Variants in USP7 observed in about 807,000 individuals in gnomAD.
The protein encoded by USP7 is ubiquitin C-terminal hydrolase 7.
In USP7, 9 loss-of-function variants were observed where a neutral mutation model predicts 162.9. The observed-to-expected ratio is 0.06, with a 90% CI of 0.03 to 0.10. The LOEUF is 0.10. USP7 is among the 10% of genes least tolerant of loss of function. The probability of loss-of-function intolerance (pLI) is 1.00; values close to 1 mark genes in which losing one functional copy is unlikely to be tolerated. For missense variants in USP7, 715 were observed against 1,373.7 expected (o/e 0.52, Z 7.58); for synonymous variants, 562 against 475.9 (o/e 1.18, Z -2.35).
At chr16:8,940,206 C>T (rs1053865584) in intron 1 of USP7, among the ~76,000 whole-genome samples, 8 of 152,182 alleles carry the variant, frequency 5.3e-5, no homozygotes, top group Non-Finnish European at 1.0e-4. Context: ...TGCCTATCTA[C>T]GCATCCTATA....
intron 10 of USP7, among the ~76,000 whole-genome samples, chr16:8,911,864 G>T (rs761541410): frequency 6.6e-6 from 1 of 152,152 alleles, no homozygotes; most frequent in Non-Finnish European, 1.5e-5. Flanking sequence ...ATGAGGATTG[G>T]GGGGAACAAC....
At position 8,899,768 on chromosome 16, in the gene USP7, G is replaced by C. The variant is rs1457426962; in HGVS notation, c.2310-11C>G. ...TTTTCAGGGTCATCCCTGGTGGAGG[G>C]AGAAAGTTTGCAGTCTGAATCAAAG... On this transcript the variant is annotated splice_polypyrimidine_tract_variant and intron_variant, in intron 21 of 30. Coordinates refer to ENST00000344836, the MANE Select transcript of USP7 (RefSeq NM_003470.3). 6.2e-7 allele frequency: 1 copy of C among 1,614,180 alleles called. No individual in the cohort carries two copies. Among genetic ancestry groups the C allele is most frequent in the African/African-American group, 1.3e-5 (1 of 75,044 alleles).
Position 8,923,402 on chromosome 16 carries a change from G to A in USP7, c.196C>T (p.Arg66Cys). Residue 66 changes from arginine (R) to cysteine (C), a missense_variant, in exon 3 of 31, where the codon CGC (arginine) becomes TGC (cysteine). This residue lies in a region of USP7 where 137 missense variants were observed against 123.5 expected (regional missense o/e 1.11). Transcript: ENST00000344836. ...GTGAACTGAAAGGTTGCCTCGGAGC[G>A]CCAACTGGTGTCTGCAAAAAAAACA... ...EEDMEDDTSWRSEATFQFTVE... is the reference protein window; with the variant it reads ...EEDMEDDTSWCSEATFQFTVE... The A allele has an allele frequency of 6.2e-7, 1 of 1,614,046 alleles. No individual in the cohort carries two copies. The highest frequency in any genetic ancestry group is 8.5e-7 in the Non-Finnish European group (1 of 1,179,968).
At chr16:8,939,138 T>A (rs1898915359) in intron 1 of USP7, among the ~76,000 whole-genome samples, 2 of 152,190 alleles carry the variant, frequency 1.3e-5, no homozygotes, top group South Asian at 4.1e-4. Context: ...CTTACGTGTA[T>A]TTAGTTCTCT....
intron 23 of USP7, 65 bp from the exon 24 acceptor site, chr16:8,898,704 G>A: frequency 1.5e-6 from 2 of 1,365,264 alleles, no homozygotes; most frequent in East Asian, 2.3e-5. Flanking sequence ...ATATCTGTGA[G>A]TGAGCATAAA....
At chr16:8,920,492 A>T in intron 4 of USP7, 45 bp from the exon 5 acceptor site, 1 of 1,527,932 alleles carries the variant, frequency 6.5e-7, no homozygotes, top group South Asian at 1.2e-5. Context: ...AAGAACACAC[A>T]TTTTATTCCC....
rs749221448 is a variant in USP7 at position 8,902,498 on chromosome 16, A to C, written c.1840-16T>G. On this transcript the variant is annotated splice_polypyrimidine_tract_variant and intron_variant, in intron 16 of 30. Coordinates refer to ENST00000344836, the MANE Select transcript of USP7 (RefSeq NM_003470.3). ...GTGGAAATCCCTGAAAAAAATATTA[A>C]GAGTAGATTAAAATAAAAACACGCT... is the stretch of plus-strand genomic sequence containing the variant. The C allele has an allele frequency of 1.2e-6, 2 of 1,607,504 alleles. No homozygotes were observed. Among genetic ancestry groups the C allele is most frequent in the Admixed American group, 1.7e-5 (1 of 59,600 alleles).
At chr16:8,957,002 C>CT (rs2141267289) in intron 1 of USP7, among the ~76,000 whole-genome samples, 1 of 152,314 alleles carries the variant, frequency 6.6e-6, no homozygotes, top group South Asian at 2.1e-4. Context: ...TTGCCAGCCT[C>CT]TGTCTCAGGA....
In USP7 at chr16:8,893,597, C is replaced by T. The variant is rs989914844; in HGVS notation, c.*401G>A. On this transcript the variant is annotated 3_prime_UTR_variant, in exon 31 of 31. Transcript: ENST00000344836. ...AACTGAAGGAAATAGGTCAGACGAG[C>T]CTAAACACAAGACTTGCTAGCTGCA... 7 of 195,098 alleles carry T rather than the reference C, an allele frequency of 3.6e-5. No individual in the cohort carries two copies. The highest frequency in any genetic ancestry group is 7.6e-5 in the Non-Finnish European group (7 of 91,692). The allele number at this position is 195,098 out of a possible 1,614,324, so 12.1% of individuals were successfully genotyped here.
intron 6 of USP7, among the ~76,000 whole-genome samples, chr16:8,918,254 T>A (rs1017613290): frequency 2.0e-5 from 3 of 152,182 alleles, no homozygotes; most frequent in African/African-American, 7.2e-5. Context: ...GCCAGCCAGC[T>A]CCCTGCCCAC....
At chr16:8,957,947 G>A (rs963148898) in intron 1 of USP7, among the ~76,000 whole-genome samples, 3 of 152,102 alleles carry the variant, frequency 2.0e-5, no homozygotes, top group East Asian at 1.9e-4. Context: ...CAATAAAACT[G>A]AATGAGCACC....
intron 11 of USP7, among the ~76,000 whole-genome samples, chr16:8,908,719 C>T (rs1379314033): frequency 6.6e-6 from 1 of 152,210 alleles, no homozygotes; most frequent in African/African-American, 2.4e-5. Flanking sequence ...GCCCAGCAAT[C>T]AGGGAAGAAA....
At position 8,905,344 on chromosome 16, in the gene USP7, C is replaced by G. The variant is rs1408464644; in HGVS notation, c.1429-13G>C. ...CAAATTTACACCACTGCAAGGAAAA[C>G]AACACACACCAGCAGCGATCAAGCA... On this transcript the variant is annotated splice_polypyrimidine_tract_variant and intron_variant, in intron 13 of 30. Coordinates refer to ENST00000344836, the MANE Select transcript of USP7 (RefSeq NM_003470.3). 3 of 1,613,068 alleles carry G rather than the reference C, an allele frequency of 1.9e-6. No individual in the cohort carries two copies. Among genetic ancestry groups the G allele is most frequent in the East Asian group, 2.2e-5 (1 of 44,874 alleles).
intron 1 of USP7, among the ~76,000 whole-genome samples, chr16:8,955,714 A>AAAC (rs1899765074): frequency 2.0e-5 from 3 of 151,400 alleles, no homozygotes; most frequent in African/African-American, 2.4e-5. Flanking sequence ...CAAAAAAAAA[A>AAAC]AAAAAAAAAA....
At chr16:8,956,301 T>TCAC (rs1899796533) in intron 1 of USP7, 1 of 152,214 alleles carries the variant, frequency 6.6e-6, no homozygotes, top group Non-Finnish European at 1.5e-5. Context: ...AAGAGAATGA[T>TCAC]CACCACCTTG....
At chr16:8,900,197 G>T in intron 21 of USP7, 1 of 322,512 alleles carries the variant, frequency 3.1e-6, no homozygotes, top group Non-Finnish European at 5.7e-6. Flanking sequence ...CATGAAGACA[G>T]ACTGAAATGA....
intron 1 of USP7, among the ~76,000 whole-genome samples, chr16:8,933,888 T>C (rs926983028): frequency 6.6e-6 from 1 of 152,062 alleles, no homozygotes; most frequent in Non-Finnish European, 1.5e-5. Context: ...CCCAAGTAGC[T>C]AGGATTACAG....
intron 1 of USP7, among the ~76,000 whole-genome samples, chr16:8,943,014 A>G (rs1899118039): frequency 6.6e-6 from 1 of 152,196 alleles, no homozygotes. Flanking sequence ...CCTGGCTTTA[A>G]GGCAGTGGAG....
At position 8,892,166 on chromosome 16, in the gene USP7, C is replaced by A. The variant is rs1001089130; in HGVS notation, c.*1832G>T. ...TTCAGTTACCTAAGACTACAGCCAA[C>A]CCCCAGCCCAGAACAAAAACAAGAC... On this transcript the variant is annotated 3_prime_UTR_variant, in exon 31 of 31. Transcript: ENST00000344836. 8 of 152,214 alleles carry A rather than the reference C, an allele frequency of 5.3e-5. No homozygotes were observed. The highest frequency in any genetic ancestry group is 1.7e-4 in the African/African-American group (7 of 41,414). The allele number at this position is 152,214 out of a possible 1,614,324, so 9.4% of individuals were successfully genotyped here.
Sources: gnomAD v4.1 joint callset for allele counts (sites outside exome capture counted in the v4.1 genomes callset) on GRCh38, gnomAD v4.1.1 for gene constraint, gnomAD v4.1.1 regional missense constraint, MANE v1.5 for transcripts, NCBI Gene and HGNC (gene_info 2026-07-23, HGNC 2026-07-21) for gene names.